CDIN1: variants seen among roughly 807,000 people sequenced by gnomAD.
CDIN1 encodes the protein CDAN1 interacting nuclease 1.
Under a neutral mutation model 45.3 loss-of-function variants are expected in CDIN1, and 33 were observed. The observed-to-expected ratio is 0.73, with a 90% CI of 0.55 to 0.97. The LOEUF is 0.97. Ranked by LOEUF, CDIN1 falls within the 50% of genes least tolerant of loss-of-function variation. CDIN1 has a pLI of 0.00. For missense variants in CDIN1, 303 were observed against 339.4 expected (o/e 0.89, Z 0.84); for synonymous variants, 118 against 124.4 (o/e 0.95, Z 0.34).
intron 3 of CDIN1, among the ~76,000 whole-genome samples, chr15:36,647,066 C>T (rs2040363606): frequency 6.7e-6 from 1 of 148,204 alleles, no homozygotes; most frequent in Non-Finnish European, 1.5e-5. Context: ...CTCTGTCACC[C>T]AGTCTGAGGT....
chr15:36,626,447 A>G (rs1325367575), intron 1 of CDIN1, among the ~76,000 whole-genome samples: 1 of 152,206 alleles, frequency 6.6e-6, no homozygotes, highest in East Asian at 1.9e-4. Flanking sequence ...TTCAAAAGCC[A>G]GACGAGTTCC....
At chr15:36,799,824 T>G (rs2054952060) in intron 10 of CDIN1, 1 of 152,154 alleles carries the variant, frequency 6.6e-6, no homozygotes, top group Non-Finnish European at 1.5e-5. Context: ...GAGTAAACAT[T>G]TCTTCTAGAA....
chr15:36,615,219 G>A (rs575819605), intron 1 of CDIN1, among the ~76,000 whole-genome samples: 1 of 152,308 alleles, frequency 6.6e-6, no homozygotes, highest in East Asian at 1.9e-4. Context: ...GCATCTGGCT[G>A]TGACAGCCTC....
chr15:36,673,172 A>C (rs929080972), intron 5 of CDIN1, among the ~76,000 whole-genome samples: 1 of 152,076 alleles, frequency 6.6e-6, no homozygotes, highest in Non-Finnish European at 1.5e-5. Flanking sequence ...TGGAAAATCA[A>C]ATGAGGGCTT....
chr15:36,579,885 G>T lies in CDIN1; in HGVS notation c.25G>T (p.Asp9Tyr), dbSNP rs759220853. The T allele has an allele frequency of 6.2e-7, 1 of 1,613,926 alleles. No individual in the cohort carries two copies. The highest frequency in any genetic ancestry group is 1.7e-5 in the Admixed American group (1 of 60,014). Residue 9 changes from aspartate to tyrosine, a missense_variant, in exon 1 of 11, where the codon GAC becomes TAC. By Grantham distance (160) the Asp-to-Tyr change is radical. Coordinates refer to ENST00000566621, the MANE Select transcript of CDIN1 (RefSeq NM_001321759.2). ...CATGATACTGACCAAAGCTCAGTAC[G>T]ACGAGATAGCCCAGTGCCTAGTGTC... MILTKAQY[D>Y]EIAQCLVSVP...
At chr15:36,625,356 G>A (rs186724948) in intron 1 of CDIN1, among the ~76,000 whole-genome samples, 8 of 152,090 alleles carry the variant, frequency 5.3e-5, no homozygotes, top group African/African-American at 1.9e-4. Context: ...ATTAGACATA[G>A]ACTAGTAGCA....
chr15:36,765,700 A>T (rs1204608678), intron 10 of CDIN1, among the ~76,000 whole-genome samples: 1 of 152,140 alleles, frequency 6.6e-6, no homozygotes, highest in Non-Finnish European at 1.5e-5. Context: ...TTGAAAATGG[A>T]TCTACATTTT....
intron 10 of CDIN1, among the ~76,000 whole-genome samples, chr15:36,752,928 T>A (rs2053514347): frequency 6.6e-6 from 1 of 152,210 alleles, no homozygotes; most frequent in Non-Finnish European, 1.5e-5. Flanking sequence ...ATGGGCATTG[T>A]GGTACATTTC....
intron 5 of CDIN1, among the ~76,000 whole-genome samples, chr15:36,659,823 A>T (rs2040925658): frequency 6.6e-6 from 1 of 152,094 alleles, no homozygotes; most frequent in African/African-American, 2.4e-5. Flanking sequence ...GACAAACCAT[A>T]ATTGAGGGTT....
chr15:36,745,958 G>A (rs373412936), intron 10 of CDIN1, among the ~76,000 whole-genome samples: 2 of 151,768 alleles, frequency 1.3e-5, no homozygotes, highest in South Asian at 2.1e-4. Flanking sequence ...AGAGTGAGAC[G>A]CCATCTCCAA....
At chr15:36,755,544 T>C (rs930890686) in intron 10 of CDIN1, among the ~76,000 whole-genome samples, 1 of 152,112 alleles carries the variant, frequency 6.6e-6, no homozygotes, top group African/African-American at 2.4e-5. Flanking sequence ...CAGTGTAATA[T>C]ACATTAATTG....
intron 10 of CDIN1, among the ~76,000 whole-genome samples, chr15:36,742,321 TAACATC>T (rs893347177): frequency 6.6e-6 from 1 of 152,204 alleles, no homozygotes; most frequent in Non-Finnish European, 1.5e-5. Context: ...CCCTTACTGT[TAACATC>T]AACATGTTCT....
chr15:36,664,570 C>T (rs1292135277), intron 5 of CDIN1, among the ~76,000 whole-genome samples: 3 of 151,500 alleles, frequency 2.0e-5, no homozygotes, highest in Non-Finnish European at 4.4e-5. Context: ...TTTTTTGAGA[C>T]GGAGTCTCGC....
intron 1 of CDIN1, among the ~76,000 whole-genome samples, chr15:36,626,003 A>C (rs2140329748): frequency 6.6e-6 from 1 of 152,160 alleles, no homozygotes; most frequent in Non-Finnish European, 1.5e-5. Context: ...TCTACAAAAA[A>C]TAGTTTATAT....
intron 10 of CDIN1, among the ~76,000 whole-genome samples, chr15:36,713,549 A>C (rs2043127974): frequency 6.6e-6 from 1 of 152,158 alleles, no homozygotes; most frequent in South Asian, 2.1e-4. Flanking sequence ...GGAGCAACTT[A>C]CTGTGTTTTC....
At chr15:36,703,839 C>A (rs2042764871) in intron 8 of CDIN1, among the ~76,000 whole-genome samples, 1 of 152,146 alleles carries the variant, frequency 6.6e-6, no homozygotes, top group African/African-American at 2.4e-5. Context: ...GTTCTAACAT[C>A]AGTGACTACA....
In CDIN1 at chr15:36,793,114, G is replaced by A. The variant is rs953297318; in HGVS notation, c.717-15210G>A. Among the ~76,000 whole-genome samples, 3 of 152,104 alleles carry A rather than the reference G, an allele frequency of 2.0e-5. No individual in the cohort carries two copies. The South Asian group carries it at 6.2e-4, about 32-fold the overall frequency. On this transcript the variant is annotated intron_variant, in intron 10 of 10. Coordinates refer to ENST00000566621, the MANE Select transcript of CDIN1 (RefSeq NM_001321759.2). ...TCCCCTCTGCTCAGAGCCTTGCCAG[G>A]TAAGAGTTAAGTGCTTCCTTCTCTG...
Position 36,731,554 on chromosome 15 carries a change from A to G in CDIN1, c.716+21593A>G, listed in dbSNP as rs549155346. Among the ~76,000 whole-genome samples, 24 of 152,248 alleles carry G rather than the reference A, an allele frequency of 1.6e-4. No homozygotes were observed. In the South Asian group the frequency reaches 2.9e-3, roughly 18 times the overall value. On this transcript the variant is annotated intron_variant, in intron 10 of 10. Coordinates refer to ENST00000566621, the MANE Select transcript of CDIN1 (RefSeq NM_001321759.2). ...CTTTTATGTAACACAAATACCATGG[A>G]GATATGTTCAAGTTTCATTTTCTCT... is the stretch of plus-strand genomic sequence containing the variant.
At chr15:36,731,605 G>A (rs2043837085) in intron 10 of CDIN1, among the ~76,000 whole-genome samples, 1 of 152,022 alleles carries the variant, frequency 6.6e-6, no homozygotes, top group Non-Finnish European at 1.5e-5. Context: ...ATTTTCATCA[G>A]CATTTTCTAA....
Sources: gnomAD v4.1 joint callset for allele counts (sites outside exome capture counted in the v4.1 genomes callset) on GRCh38, gnomAD v4.1.1 for gene constraint, MANE v1.5 for transcripts, NCBI Gene and HGNC (gene_info 2026-07-23, HGNC 2026-07-21) for gene names.